The following CCR4 variants were observed in gnomAD, a reference collection of about 807,000 sequenced individuals.
CCR4 encodes C-C motif chemokine receptor 4.
Under a neutral mutation model 17.1 loss-of-function variants are expected in CCR4, and 9 were observed. The ratio of observed to expected loss-of-function variants is 0.53; its 90% CI spans 0.32 to 0.92. The LOEUF (loss-of-function observed/expected upper bound fraction) is 0.92, where lower values mean the gene tolerates loss of function less well. Ranked by LOEUF, CCR4 falls within the 40% of genes least tolerant of loss-of-function variation. The pLI, the probability that CCR4 is intolerant of heterozygous loss-of-function variation, is 0.04. For synonymous variants in CCR4, 217 were observed against 174.3 expected (o/e 1.24, Z -1.93); for missense variants, 385 against 433.9 (o/e 0.89, Z 1.00).
chr3:32,952,922 C>T (rs778605534), intron 1 of CCR4, among the ~76,000 whole-genome samples: 5 of 152,050 alleles, frequency 3.3e-5, no homozygotes, highest in African/African-American at 7.2e-5. Context: ...GGATTCTGTG[C>T]GTAGAATTGA....
chr3:32,952,003 AG>A (rs1414507496), intron 1 of CCR4, among the ~76,000 whole-genome samples: 1 of 152,112 alleles, frequency 6.6e-6, no homozygotes. Context: ...CACACACGCA[AG>A]GCCTACAGAA....
chr3:32,954,124 TGAG>T lies in CCR4; in HGVS notation c.703_705del (p.Glu235del), dbSNP rs1559366154. 1 of 1,614,140 alleles carries T rather than the reference TGAG, an allele frequency of 6.2e-7. No homozygotes were observed. ...TCAGGACCTTGCAGCATTGTAAAAA[TGAG>T]AAGAAGAACAAGGCGGTGAAGATGA... is the stretch of plus-strand genomic sequence containing the variant. On this transcript the variant is annotated inframe_deletion, in exon 2 of 2. Coordinates refer to ENST00000330953, the MANE Select transcript of CCR4 (RefSeq NM_005508.5).
In CCR4 at chr3:32,954,164, G is replaced by A. The variant is rs767223670; in HGVS notation, c.742G>A (p.Val248Met). ...GGCGGTGAAGATGATCTTTGCCGTG[G>A]TGGTCCTCTTCCTTGGGTTCTGGAC... ...NKAVKMIFAV[V>M]VLFLGFWTPY... is the part of the protein sequence containing the mutation. Residue 248 changes from valine (V) to methionine (M), a missense_variant, in exon 2 of 2, where the codon GTG (valine) becomes ATG (methionine). By Grantham distance (21) the Val-to-Met change is conservative. Coordinates refer to ENST00000330953, the MANE Select transcript of CCR4 (RefSeq NM_005508.5). The A allele has an allele frequency of 2.5e-6, 4 of 1,614,126 alleles. No homozygotes were observed. The highest frequency in any genetic ancestry group is 2.2e-5 in the East Asian group (1 of 44,870).
In CCR4 at chr3:32,953,662, C is replaced by A. The variant is rs777254013; in HGVS notation, c.240C>A (p.Asn80Lys). Residue 80 changes from asparagine to lysine, a missense_variant, in exon 2 of 2, where the codon AAC becomes AAA. Asn to Lys is a moderately conservative substitution (Grantham distance 94). Coordinates refer to ENST00000330953, the MANE Select transcript of CCR4 (RefSeq NM_005508.5). ...LRSMTDVYLL[N>K]LAISDLLFVF... is the part of the protein sequence containing the mutation. ...CCATGACTGATGTGTACCTGCTCAACCTTGCCATCTCGGATCTGCTCTTCG... is the reference window on the plus strand; with the variant it reads ...CCATGACTGATGTGTACCTGCTCAAACTTGCCATCTCGGATCTGCTCTTCG... 4 of 1,614,078 alleles carry A rather than the reference C, an allele frequency of 2.5e-6. No homozygotes were observed. Among genetic ancestry groups the A allele is most frequent in the Non-Finnish European group, 2.5e-6 (3 of 1,180,030 alleles).
intron 1 of CCR4, among the ~76,000 whole-genome samples, chr3:32,953,110 C>G (rs923517219): frequency 1.3e-5 from 2 of 152,124 alleles, no homozygotes; most frequent in African/African-American, 2.4e-5. Context: ...TCCTCACTTA[C>G]AAATGAGAGA....
In CCR4 at chr3:32,954,451, C is replaced by G. The variant is rs751604086; in HGVS notation, c.1029C>G (p.Pro343=). The change falls in exon 2 of 2, where the codon CCC becomes CCG. Residue 343 remains proline (P), a synonymous_variant. Transcript: ENST00000330953. ...TCCAAATTTACTCTGCTGACACCCC[C>G]AGCTCATCTTACACGCAGTCCACCA... ...GLLQIYSADT[P]SSSYTQSTMD... 1 of 1,580,214 alleles carries G rather than the reference C, an allele frequency of 6.3e-7. No individual in the cohort carries two copies. Among genetic ancestry groups the G allele is most frequent in the Non-Finnish European group, 8.6e-7 (1 of 1,166,706 alleles).
In CCR4 at chr3:32,954,191, C is replaced by A; in HGVS notation, c.769C>A (p.Pro257Thr). The change falls in exon 2 of 2, where the codon CCT becomes ACT. Residue 257 changes from proline to threonine, a missense_variant. Transcript: ENST00000330953. The stretch of plus-strand genomic sequence containing the variant: ...GGTCCTCTTCCTTGGGTTCTGGACA[C>A]CTTACAACATAGTGCTCTTCCTAGA... ...VVVLFLGFWT[P>T]YNIVLFLETL... is the part of the protein sequence containing the mutation. 6.2e-7 allele frequency: 1 copy of A among 1,614,048 alleles called. No individual in the cohort carries two copies. The highest frequency in any genetic ancestry group is 8.5e-7 in the Non-Finnish European group (1 of 1,179,988).
Position 32,956,129 on chromosome 3 carries a change from G to A in CCR4, c.*1624G>A, listed in dbSNP as rs1695721189. 1 of 165,982 alleles carries A rather than the reference G, an allele frequency of 6.0e-6. No individual in the cohort carries two copies. Among genetic ancestry groups the A allele is most frequent in the Non-Finnish European group, 1.5e-5 (1 of 68,034 alleles). The allele number at this position is 165,982 out of a possible 1,614,324, so 10.3% of individuals were successfully genotyped here. ...GTAGAGATGGGGTTTCACCATATTG[G>A]CCAGGCTAGTCTTGAACTCCTGACC... On this transcript the variant is annotated 3_prime_UTR_variant, in exon 2 of 2. Transcript: ENST00000330953.
At position 32,954,998 on chromosome 3, in the gene CCR4, T is replaced by C. The variant is rs959165597; in HGVS notation, c.*493T>C. ...GCAAAGTATATTCCATTGAGCCAGA[T>C]GTATGAAGAAACAATTAGCGAAGTG... On this transcript the variant is annotated 3_prime_UTR_variant, in exon 2 of 2. Transcript: ENST00000330953. 1 of 167,708 alleles carries C rather than the reference T, an allele frequency of 6.0e-6. No homozygotes were observed. The highest frequency in any genetic ancestry group is 1.5e-5 in the Non-Finnish European group (1 of 68,612). The allele number at this position is 167,708 out of a possible 1,614,324, so 10.4% of individuals were successfully genotyped here. A position where few individuals can be genotyped will look rare whatever the true frequency, so the allele number is the denominator to read the frequency against.
rs114828797 is a variant in CCR4, at chr3:32,952,521, C to T, written c.-52+831C>T. 4.2e-3 allele frequency among the ~76,000 whole-genome samples: 640 copies of T among 152,302 alleles called. 3 individuals are homozygous for T. Among genetic ancestry groups the T allele is most frequent in the African/African-American group, 0.013 (561 of 41,570 alleles). On this transcript the variant is annotated intron_variant, in intron 1 of 1. Transcript: ENST00000330953. ...TGATCCTCCCTCCTCGGCCTCCCGA[C>T]GTGCTGGGATTATAGGCGTGGGCCA...
Position 32,954,726 on chromosome 3 carries a change from G to T in CCR4, c.*221G>T. The T allele has an allele frequency of 2.0e-6, 1 of 501,330 alleles. No individual in the cohort carries two copies. Among genetic ancestry groups the T allele is most frequent in the Non-Finnish European group, 3.6e-6 (1 of 281,138 alleles). The allele number at this position is 501,330 out of a possible 1,614,324, so 31.1% of individuals were successfully genotyped here. A position where few individuals can be genotyped will look rare whatever the true frequency, so the allele number is the denominator to read the frequency against. ...GCTGAGGCATCCTTCCTCACACCAG[G>T]CTTGCCTGCAGGCATGAGTCAGTCT... On this transcript the variant is annotated 3_prime_UTR_variant, in exon 2 of 2. Coordinates refer to ENST00000330953, the MANE Select transcript of CCR4 (RefSeq NM_005508.5).
In CCR4 at chr3:32,954,696, C is replaced by A; in HGVS notation, c.*191C>A. 1 of 579,710 alleles carries A rather than the reference C, an allele frequency of 1.7e-6. No homozygotes were observed. The highest frequency in any genetic ancestry group is 2.9e-6 in the Non-Finnish European group (1 of 344,346). The allele number at this position is 579,710 out of a possible 1,614,324, so 35.9% of individuals were successfully genotyped here. On this transcript the variant is annotated 3_prime_UTR_variant, in exon 2 of 2. Coordinates refer to ENST00000330953, the MANE Select transcript of CCR4 (RefSeq NM_005508.5). ...ACAAGTCCAGCCTGGCAAGGGTTCACCTGGGCTGAGGCATCCTTCCTCACA... is the reference window on the plus strand; with the variant it reads ...ACAAGTCCAGCCTGGCAAGGGTTCAACTGGGCTGAGGCATCCTTCCTCACA...
rs1559366076 is a variant in CCR4, at chr3:32,953,976, C to T, written c.554C>T (p.Thr185Ile). Residue 185 changes from threonine (T) to isoleucine (I), a missense_variant, in exon 2 of 2, where the codon ACC becomes ATC. Thr to Ile is a moderately conservative substitution (Grantham distance 89). Transcript: ENST00000330953. Reference protein sequence around the residue: ...FSTCYTERNHTYCKTKYSLNS... With the variant: ...FSTCYTERNHIYCKTKYSLNS... ...ACTTGTTATACTGAGCGCAACCATA[C>T]CTACTGCAAAACCAAGTACTCTCTC... 6.2e-7 allele frequency: 1 copy of T among 1,614,092 alleles called. No individual in the cohort carries two copies. The highest frequency in any genetic ancestry group is 8.5e-7 in the Non-Finnish European group (1 of 1,180,026).
chr3:32,954,647 A>C lies in CCR4; in HGVS notation c.*142A>C. Reference sequence around the variant, plus strand: ...GTGGAAAGACAGCTTCTCATCCTGCAGGCAGCTTTTTCTCTCCCACTAGAC... The same window carrying C: ...GTGGAAAGACAGCTTCTCATCCTGCCGGCAGCTTTTTCTCTCCCACTAGAC... On this transcript the variant is annotated 3_prime_UTR_variant, in exon 2 of 2. Transcript: ENST00000330953. The C allele has an allele frequency of 2.1e-6, 2 of 959,622 alleles. No individual in the cohort carries two copies. 59.4% of individuals were successfully genotyped at this position (959,622 alleles called of 1,614,324 possible). A position where few individuals can be genotyped will look rare whatever the true frequency, so the allele number is the denominator to read the frequency against.
chr3:32,954,270 A>C lies in CCR4; in HGVS notation c.848A>C (p.Asp283Ala). Residue 283 changes from aspartate (D) to alanine (A), a missense_variant, in exon 2 of 2, where the codon GAC (aspartate) becomes GCC (alanine). Physicochemically the swap from Asp to Ala is moderately radical, Grantham distance 126 (BLOSUM62 -2). Transcript: ENST00000330953. ...GACTGCACCTTTGAAAGATACTTGG[A>C]CTATGCCATCCAGGCCACAGAAACT... ...LQDCTFERYL[D>A]YAIQATETLA... 2.5e-6 allele frequency: 4 copies of C among 1,614,062 alleles called. No individual in the cohort carries two copies. The highest frequency in any genetic ancestry group is 3.4e-6 in the Non-Finnish European group (4 of 1,180,024).
Position 32,954,576 on chromosome 3 carries a change from G to GT in CCR4, c.*72dup. On this transcript the variant is annotated 3_prime_UTR_variant, in exon 2 of 2. Transcript: ENST00000330953. ...AGAGCTTACTTAAAATTGTATTTTAGTAAGAGATTCCTGAGCCAGTGTCAG... is the reference window on the plus strand; with the variant it reads ...AGAGCTTACTTAAAATTGTATTTTAGTTAAGAGATTCCTGAGCCAGTGTCAG... 1 of 1,439,076 alleles carries GT rather than the reference G, an allele frequency of 6.9e-7. No homozygotes were observed. Among genetic ancestry groups the GT allele is most frequent in the Non-Finnish European group, 9.2e-7 (1 of 1,087,412 alleles). 89.1% of individuals were successfully genotyped at this position (1,439,076 alleles called of 1,614,324 possible). A position where few individuals can be genotyped will look rare whatever the true frequency, so the allele number is the denominator to read the frequency against.
rs1198566608 is a variant in CCR4, at chr3:32,953,467, A to T, written c.45A>T (p.Ile15=). Residue 15 remains isoleucine, a synonymous_variant, in exon 2 of 2, where the codon ATA becomes ATT. Coordinates refer to ENST00000330953, the MANE Select transcript of CCR4 (RefSeq NM_005508.5). The part of the protein sequence containing the change: ...DIADTTLDES[I]YSNYYLYESI... The stretch of plus-strand genomic sequence containing the variant: ...CAGACACCACCCTCGATGAAAGCAT[A>T]TACAGCAATTACTATCTGTATGAAA... 6.2e-7 allele frequency: 1 copy of T among 1,613,930 alleles called. No individual in the cohort carries two copies. Among genetic ancestry groups the T allele is most frequent in the Non-Finnish European group, 8.5e-7 (1 of 1,179,992 alleles).
intron 1 of CCR4, among the ~76,000 whole-genome samples, chr3:32,952,503 CCCT>C (rs577848992): frequency 2.0e-5 from 3 of 152,206 alleles, no homozygotes; most frequent in Non-Finnish European, 4.4e-5. Context: ...AAGTGATCCT[CCCT>C]CCTCGGCCTC....
At position 32,956,069 on chromosome 3, in the gene CCR4, T is replaced by C. The variant is rs939033851; in HGVS notation, c.*1564T>C. ...TCTCAAGCAGCTGGGATTAGAGGTG[T>C]GCACCACTACGCCAGGCTAATTTTT... On this transcript the variant is annotated 3_prime_UTR_variant, in exon 2 of 2. Coordinates refer to ENST00000330953, the MANE Select transcript of CCR4 (RefSeq NM_005508.5). 6.1e-6 allele frequency: 1 copy of C among 164,518 alleles called. No homozygotes were observed. The highest frequency in any genetic ancestry group is 2.4e-5 in the African/African-American group (1 of 41,322). 10.2% of individuals were successfully genotyped at this position (164,518 alleles called of 1,614,324 possible).
Sources: gnomAD v4.1 joint callset for allele counts (sites outside exome capture counted in the v4.1 genomes callset) on GRCh38, gnomAD v4.1.1 for gene constraint, MANE v1.5 for transcripts, NCBI Gene and HGNC (gene_info 2026-07-23, HGNC 2026-07-21) for gene names.